The following SMYD3 variants were observed in gnomAD, a reference collection of about 807,000 sequenced individuals.
SMYD3 encodes SET and MYND domain containing 3.
SMYD3 carries 36 observed loss-of-function variants against 57.7 expected under a neutral mutation model. That is an observed-to-expected ratio of 0.62 (90% confidence interval 0.48 to 0.82). The LOEUF is 0.82. Among genes scored for constraint, SMYD3 ranks in the 40% least tolerant of loss-of-function variants. SMYD3 has a pLI of 0.00. For missense variants in SMYD3, 515 were observed against 538.8 expected, an observed-to-expected ratio of 0.96 and a Z score of 0.44; for synonymous variants, 211 against 195.0, an observed-to-expected ratio of 1.08 and a Z score of -0.68.
chr1:245,822,353 C>T (rs1181172573), intron 10 of SMYD3, among the ~76,000 whole-genome samples: 1 of 138,492 alleles, frequency 7.2e-6, no homozygotes, highest in East Asian at 2.1e-4. Context: ...ACAATGAGAT[C>T]ACATGGACAC....
chr1:246,208,100 T>A (rs1457680132), intron 5 of SMYD3, among the ~76,000 whole-genome samples: 1 of 152,116 alleles, frequency 6.6e-6, no homozygotes, highest in Non-Finnish European at 1.5e-5. Context: ...GAAATTTGTG[T>A]CTATATGATG....
chr1:246,445,047 TTGA>T (rs2103023744), intron 1 of SMYD3, among the ~76,000 whole-genome samples: 1 of 152,314 alleles, frequency 6.6e-6, no homozygotes, highest in African/African-American at 2.4e-5. Context: ...ACTATTGATG[TTGA>T]TGATGGCAGT....
At chr1:246,259,368 G>A (rs1428309101) in intron 5 of SMYD3, among the ~76,000 whole-genome samples, 1 of 152,144 alleles carries the variant, frequency 6.6e-6, no homozygotes, top group African/African-American at 2.4e-5. Context: ...TTTCATGTAG[G>A]TAGGATGTTT....
intron 7 of SMYD3, among the ~76,000 whole-genome samples, chr1:245,922,758 A>C (rs1406249527): frequency 6.6e-6 from 1 of 152,226 alleles, no homozygotes; most frequent in Non-Finnish European, 1.5e-5. Context: ...CCTGAGAATG[A>C]AGCTTTATTA....
rs60915002 is a variant in SMYD3, at chr1:246,225,321, C to CAAAAAAAAAAAAAAAAAAAA, written c.531+101860_531+101879dup. ...GTTATGTGGAAGACTGCTGAAAAGT[C>CAAAAAAAAAAAAAAAAAAAA]AAAAAAAAAAAAAAAAAAAAAAAAA... is the stretch of plus-strand genomic sequence containing the variant. On this transcript the variant is annotated intron_variant, in intron 5 of 11. Transcript: ENST00000490107. Among the ~76,000 whole-genome samples the CAAAAAAAAAAAAAAAAAAAA allele has an allele frequency of 3.9e-4, 30 of 76,292 alleles. 6 individuals are homozygous for CAAAAAAAAAAAAAAAAAAAA. Among genetic ancestry groups the CAAAAAAAAAAAAAAAAAAAA allele is most frequent in the Non-Finnish European group, 5.1e-4 (17 of 33,452 alleles). The allele number at this position is 76,292 out of a possible 152,430, so 50.1% of individuals were successfully genotyped here.
At chr1:246,377,271 A>AT (rs2066294805) in intron 1 of SMYD3, among the ~76,000 whole-genome samples, 1 of 146,582 alleles carries the variant, frequency 6.8e-6, no homozygotes, top group Non-Finnish European at 1.5e-5. Flanking sequence ...AAAGCAGCTA[A>AT]TTTTTTTTAT....
chr1:246,282,305 C>CAAAAAAAAAAAAAAAAA lies in SMYD3; in HGVS notation c.531+44879_531+44895dup, dbSNP rs57740230. On this transcript the variant is annotated intron_variant, in intron 5 of 11. Coordinates refer to ENST00000490107, the MANE Select transcript of SMYD3 (RefSeq NM_001167740.2). ...CAACATGGCAAGACCCTCATCTCTACAAAAAAAAAAAAAAAAAAAAAAAAA... is the reference window on the plus strand; with the variant it reads ...CAACATGGCAAGACCCTCATCTCTACAAAAAAAAAAAAAAAAAAAAAAAAAAAAAAAAAAAAAAAAAA... 6.9e-4 allele frequency among the ~76,000 whole-genome samples: 47 copies of CAAAAAAAAAAAAAAAAA among 67,928 alleles called. 2 individuals are homozygous for CAAAAAAAAAAAAAAAAA. Among genetic ancestry groups the CAAAAAAAAAAAAAAAAA allele is most frequent in the South Asian group, 1.0e-3 (2 of 1,974 alleles). The allele number at this position is 67,928 out of a possible 152,430, so 44.6% of individuals were successfully genotyped here.
chr1:246,480,544 A>G (rs1212218881), intron 1 of SMYD3, among the ~76,000 whole-genome samples: 1 of 152,190 alleles, frequency 6.6e-6, no homozygotes, highest in African/African-American at 2.4e-5. Context: ...CTCTATTCAG[A>G]CACATCTAGT....
At chr1:246,198,242 G>T (rs763246497) in intron 5 of SMYD3, among the ~76,000 whole-genome samples, 1 of 152,158 alleles carries the variant, frequency 6.6e-6, no homozygotes, top group Non-Finnish European at 1.5e-5. Context: ...TAAACCTGGG[G>T]CAAACTGGAC....
chr1:245,850,682 C>T (rs1283873647), intron 10 of SMYD3, among the ~76,000 whole-genome samples: 1 of 152,172 alleles, frequency 6.6e-6, no homozygotes, highest in Non-Finnish European at 1.5e-5. Flanking sequence ...GCCTGGACAA[C>T]AGAGCAAGAC....
Position 245,776,284 on chromosome 1 carries a change from G to C in SMYD3, c.1077-12135C>G, listed in dbSNP as rs145112421. Among the ~76,000 whole-genome samples the C allele has an allele frequency of 6.2e-3, 945 of 152,214 alleles. 5 individuals are homozygous for C. The highest frequency in any genetic ancestry group is 0.011 in the Non-Finnish European group (754 of 68,020). ...TGAGTACAAAGCCAGTTTGCGGAGA[G>C]CAGTCAGGTTAATAGGTAATCTAGG... On this transcript the variant is annotated intron_variant, in intron 10 of 11. Transcript: ENST00000490107.
At chr1:246,220,267 C>T (rs1433810021) in intron 5 of SMYD3, among the ~76,000 whole-genome samples, 1 of 151,940 alleles carries the variant, frequency 6.6e-6, no homozygotes, top group Non-Finnish European at 1.5e-5. Context: ...GAGGAATGGC[C>T]GGGCCTGCAC....
chr1:246,446,257 T>G (rs1472039892), intron 1 of SMYD3, among the ~76,000 whole-genome samples: 1 of 152,142 alleles, frequency 6.6e-6, no homozygotes, highest in Non-Finnish European at 1.5e-5. Context: ...TATCACTACA[T>G]GTAGCAAATA....
At chr1:246,436,109 T>G (rs12739322) in intron 1 of SMYD3, among the ~76,000 whole-genome samples, 1 of 151,962 alleles carries the variant, frequency 6.6e-6, no homozygotes, top group Non-Finnish European at 1.5e-5. Flanking sequence ...ATATTCAAAT[T>G]TCCTTCACCC....
At chr1:246,157,741 A>G (rs555026800) in intron 5 of SMYD3, among the ~76,000 whole-genome samples, 5 of 152,292 alleles carry the variant, frequency 3.3e-5, no homozygotes, top group East Asian at 1.9e-4. Flanking sequence ...GGGTGTGTCA[A>G]TCCCTAGTGG....
In SMYD3 at chr1:246,088,471, G is replaced by A. The variant is rs1156910774; in HGVS notation, c.532-158534C>T. On this transcript the variant is annotated intron_variant, in intron 5 of 11. Coordinates refer to ENST00000490107, the MANE Select transcript of SMYD3 (RefSeq NM_001167740.2). ...AAAAATACAAAAAAATTAGCCGGGC[G>A]TGGTGACAGGCGCCTGTAGTCCCAG... is the stretch of plus-strand genomic sequence containing the variant. 3.0e-5 allele frequency among the ~76,000 whole-genome samples: 4 copies of A among 134,008 alleles called. 1 individual carries two copies. Among genetic ancestry groups the A allele is most frequent in the East Asian group, 4.8e-4 (2 of 4,152 alleles). The allele number at this position is 134,008 out of a possible 152,430, so 87.9% of individuals were successfully genotyped here.
rs541622703 is a variant in SMYD3 at position 246,346,292 on chromosome 1, A to C, written c.228+8739T>G. ...AGTGAGACTCTGTCTCAAAAAAAAC[A>C]AACAAACTAAAAAAGAACTACAGAA... On this transcript the variant is annotated intron_variant, in intron 2 of 11. Coordinates refer to ENST00000490107, the MANE Select transcript of SMYD3 (RefSeq NM_001167740.2). Among the ~76,000 whole-genome samples the C allele has an allele frequency of 2.6e-5, 4 of 152,158 alleles. No individual in the cohort carries two copies. The East Asian group carries it at 5.8e-4, about 22-fold the overall frequency.
At chr1:246,121,109 G>C (rs780551101) in intron 5 of SMYD3, among the ~76,000 whole-genome samples, 15 of 152,184 alleles carry the variant, frequency 9.9e-5, no homozygotes, top group Non-Finnish European at 1.9e-4. Context: ...ACATCATGTT[G>C]TGTCTGCAAT....
intron 5 of SMYD3, among the ~76,000 whole-genome samples, chr1:245,946,059 A>G (rs2057418566): frequency 6.6e-6 from 1 of 152,210 alleles, no homozygotes; most frequent in Non-Finnish European, 1.5e-5. Context: ...GCAAACCACT[A>G]TGGCACATGT....
Sources: gnomAD v4.1 joint callset for allele counts (sites outside exome capture counted in the v4.1 genomes callset) on GRCh38, gnomAD v4.1.1 for gene constraint, MANE v1.5 for transcripts, NCBI Gene and HGNC (gene_info 2026-07-23, HGNC 2026-07-21) for gene names.